The following IFTAP variants were observed in gnomAD, a reference collection of about 807,000 sequenced individuals.
IFTAP encodes the protein intraflagellar transport associated protein.
A neutral mutation model predicts 19.4 loss-of-function variants in IFTAP; 19 were observed. The ratio of observed to expected loss-of-function variants is 0.98; its 90% CI spans 0.68 to 1.44. IFTAP has a LOEUF of 1.44. IFTAP is among the 40% of genes most tolerant of loss of function. The probability of loss-of-function intolerance (pLI) is 0.00; values close to 1 mark genes in which losing one functional copy is unlikely to be tolerated. For missense variants in IFTAP, 240 were observed against 253.6 expected (o/e 0.95, Z 0.36); for synonymous variants, 85 against 83.5 (o/e 1.02, Z -0.10).
At position 36,638,446 on chromosome 11, in the gene IFTAP, G is replaced by A. The variant is rs34435837; in HGVS notation, c.358+2329G>A. ...GACCTTCCCACACATAGAATGATGT[G>A]TGAAGCCTATGCTGAAAATCAACCT... is the stretch of plus-strand genomic sequence containing the variant. On this transcript the variant is annotated intron_variant, in intron 4 of 5. Transcript: ENST00000334307. Among the ~76,000 whole-genome samples the A allele has an allele frequency of 2.0e-5, 3 of 152,146 alleles. No homozygotes were observed. The East Asian group carries it at 5.8e-4, about 29-fold the overall frequency.
chr11:36,598,838 C>T (rs1034010186), intron 1 of IFTAP, among the ~76,000 whole-genome samples: 6 of 152,108 alleles, frequency 3.9e-5, no homozygotes, highest in African/African-American at 1.4e-4. Flanking sequence ...CCTTAAGCCT[C>T]TGTTTCTCTG....
Position 36,610,178 on chromosome 11 carries a change from T to C in IFTAP, c.75T>C (p.Leu25=), listed in dbSNP as rs1375617096. 6.2e-7 allele frequency: 1 copy of C among 1,610,758 alleles called. No individual in the cohort carries two copies. Among genetic ancestry groups the C allele is most frequent in the Non-Finnish European group, 8.5e-7 (1 of 1,177,116 alleles). The part of the protein sequence containing the change: ...QLIKDVLDKF[L]NCHEQTYDEE... ...TCAAAGACGTCTTGGATAAATTCCT[T>C]AATTGTCATGAGCAAACATATGATG... The change falls in exon 2 of 6, where the codon CTT becomes CTC. Residue 25 remains leucine, a synonymous_variant. Coordinates refer to ENST00000334307, the MANE Select transcript of IFTAP (RefSeq NM_138787.4).
At chr11:36,650,824 C>T (rs1381819079) in intron 5 of IFTAP, among the ~76,000 whole-genome samples, 3 of 151,770 alleles carry the variant, frequency 2.0e-5, no homozygotes, top group Non-Finnish European at 2.9e-5. Flanking sequence ...TTTGTCCTTG[C>T]GATAGTTTGC....
At chr11:36,634,891 G>A (rs1852876360) in intron 3 of IFTAP, among the ~76,000 whole-genome samples, 1 of 151,908 alleles carries the variant, frequency 6.6e-6, no homozygotes, top group Non-Finnish European at 1.5e-5. Flanking sequence ...TTTCCTTAGA[G>A]CTTAATAAAT....
chr11:36,607,181 G>A (rs1469460510), intron 1 of IFTAP, among the ~76,000 whole-genome samples: 2 of 152,174 alleles, frequency 1.3e-5, no homozygotes, highest in Non-Finnish European at 2.9e-5. Flanking sequence ...TCAAAGTTGA[G>A]TGGGCACAGT....
At chr11:36,607,350 T>A (rs7130097) in intron 1 of IFTAP, among the ~76,000 whole-genome samples, 14,499 of 152,210 alleles carry the variant, frequency 0.095, 844 homozygotes, top group African/African-American at 0.15. Flanking sequence ...ATTTAAACCC[T>A]CAGGGTCAGA....
chr11:36,642,809 C>G (rs1360214106), intron 4 of IFTAP, among the ~76,000 whole-genome samples: 1 of 152,114 alleles, frequency 6.6e-6, no homozygotes, highest in African/African-American at 2.4e-5. Flanking sequence ...ATTCAACAGC[C>G]CTTCATGCTA....
chr11:36,644,077 G>A (rs958825615), intron 4 of IFTAP, among the ~76,000 whole-genome samples: 13 of 152,072 alleles, frequency 8.5e-5, no homozygotes, highest in African/African-American at 2.9e-4. Context: ...CAGAATGAGA[G>A]AAAATGTTTG....
intron 2 of IFTAP, among the ~76,000 whole-genome samples, chr11:36,627,708 G>T (rs1852567183): frequency 6.6e-6 from 1 of 151,154 alleles, no homozygotes; most frequent in East Asian, 1.9e-4. Context: ...CTCTTTTGTG[G>T]TCTTGACTAA....
intron 2 of IFTAP, among the ~76,000 whole-genome samples, chr11:36,625,319 A>C (rs73437965): frequency 0.11 from 17,244 of 152,124 alleles, 1,143 homozygotes; most frequent in African/African-American, 0.17. Flanking sequence ...TAATATTTTC[A>C]TTCATTTATA....
intron 1 of IFTAP, among the ~76,000 whole-genome samples, chr11:36,601,412 A>G (rs1166723915): frequency 6.6e-6 from 1 of 152,308 alleles, no homozygotes; most frequent in African/African-American, 2.4e-5. Context: ...GTGACTTGAC[A>G]TTTTTTATTT....
intron 1 of IFTAP, among the ~76,000 whole-genome samples, chr11:36,601,681 T>C (rs1299624569): frequency 6.6e-6 from 1 of 152,092 alleles, no homozygotes; most frequent in African/African-American, 2.4e-5. Flanking sequence ...GGAGACAGGG[T>C]CTTGCTCTGT....
chr11:36,602,807 T>C (rs551646939), intron 1 of IFTAP, among the ~76,000 whole-genome samples: 15 of 151,132 alleles, frequency 9.9e-5, no homozygotes, highest in African/African-American at 3.7e-4. Context: ...TGTTTACTTG[T>C]AATTCCACAC....
At chr11:36,623,110 G>A (rs562214651) in intron 2 of IFTAP, among the ~76,000 whole-genome samples, 1 of 152,116 alleles carries the variant, frequency 6.6e-6, no homozygotes, top group African/African-American at 2.4e-5. Flanking sequence ...TTTACCTTAT[G>A]TACAAATCAC....
At position 36,636,062 on chromosome 11, in the gene IFTAP, C is replaced by T. The variant is rs1590222484; in HGVS notation, c.303C>T (p.Phe101=). The change falls in exon 4 of 6, where the codon TTC becomes TTT. Residue 101 remains phenylalanine (F), a synonymous_variant. Coordinates refer to ENST00000334307, the MANE Select transcript of IFTAP (RefSeq NM_138787.4). The stretch of plus-strand genomic sequence containing the variant: ...ATTCTTTTTTCTAGGTAGATAATTT[C>T]CTAGATTTAGAAGATTTGGACATGG... ...SQCLEEQVDN[F]LDLEDLDMDE... The T allele has an allele frequency of 6.2e-7, 1 of 1,604,380 alleles. No individual in the cohort carries two copies. Among genetic ancestry groups the T allele is most frequent in the East Asian group, 2.2e-5 (1 of 44,772 alleles).
chr11:36,610,306 T>C, intron 2 of IFTAP, 67 bp downstream of exon 2: 1 of 1,398,534 alleles, frequency 7.2e-7, no homozygotes, highest in Non-Finnish European at 9.8e-7. Flanking sequence ...TGTATGTTTT[T>C]GCTGCCTCTT....
intron 1 of IFTAP, among the ~76,000 whole-genome samples, chr11:36,607,911 G>A (rs539984950): frequency 2.6e-5 from 4 of 152,256 alleles, no homozygotes; most frequent in African/African-American, 7.2e-5. Context: ...AGCCTCAGGT[G>A]ATCCACCTGC....
Position 36,653,283 on chromosome 11 carries a change from G to C in IFTAP, c.498+5128G>C, listed in dbSNP as rs138473605. Among the ~76,000 whole-genome samples, 1,100 of 152,048 alleles carry C rather than the reference G, an allele frequency of 7.2e-3. 11 individuals carry two copies. The highest frequency in any genetic ancestry group is 0.025 in the African/African-American group (1,039 of 41,484). ...ATAAGTCACATGAGAAATTTTAAGGGGACTCAAAGTTTTCCAATAGTGTAC... is the reference window on the plus strand; with the variant it reads ...ATAAGTCACATGAGAAATTTTAAGGCGACTCAAAGTTTTCCAATAGTGTAC... On this transcript the variant is annotated intron_variant, in intron 5 of 5. Coordinates refer to ENST00000334307, the MANE Select transcript of IFTAP (RefSeq NM_138787.4).
chr11:36,600,115 A>G (rs550835891), intron 1 of IFTAP, among the ~76,000 whole-genome samples: 1 of 152,260 alleles, frequency 6.6e-6, no homozygotes, highest in African/African-American at 2.4e-5. Flanking sequence ...TTAGGAGAGC[A>G]TTAGACTTAC....
Sources: gnomAD v4.1 joint callset for allele counts (sites outside exome capture counted in the v4.1 genomes callset) on GRCh38, gnomAD v4.1.1 for gene constraint, MANE v1.5 for transcripts, NCBI Gene and HGNC (gene_info 2026-07-23, HGNC 2026-07-21) for gene names.